ATAD2B: variants seen among roughly 807,000 people sequenced by gnomAD.
ATAD2B encodes the protein ATPase family AAA domain-containing protein 2B.
Under a neutral mutation model 167.6 loss-of-function variants are expected in ATAD2B, and 40 were observed. That is an observed-to-expected ratio of 0.24 (90% CI 0.19 to 0.31). The LOEUF is 0.31. ATAD2B is among the 10% of genes least tolerant of loss of function. The pLI, the probability that ATAD2B is intolerant of heterozygous loss-of-function variation, is 1.00. For missense variants in ATAD2B, 1,242 were observed against 1,757.2 expected, an observed-to-expected ratio of 0.71 and a Z score of 5.24; for synonymous variants, 579 against 596.5, an observed-to-expected ratio of 0.97 and a Z score of 0.43.
At chr2:23,691,603 T>C in the ATAD2B span, 2 of 1,333,102 alleles carry the variant, frequency 1.5e-6, no homozygotes, top group Non-Finnish European at 2.1e-6. Flanking sequence ...TGCAGGGAGA[T>C]CTAGCCCTGT....
chr2:23,750,409 T>G lies in ATAD2B; in HGVS notation c.*1637A>C, dbSNP rs1675225811. 6.6e-6 allele frequency: 1 copy of G among 152,124 alleles called. No individual in the cohort carries two copies. Among genetic ancestry groups the G allele is most frequent in the Non-Finnish European group, 1.5e-5 (1 of 68,000 alleles). 9.4% of individuals were successfully genotyped at this position (152,124 alleles called of 1,614,324 possible). A position where few individuals can be genotyped will look rare whatever the true frequency, so the allele number is the denominator to read the frequency against. Reference sequence around the variant, plus strand: ...TTACTGCAGTAGGCTATGGCCAAAGTATGCTTTCTGCACACTACAAAGAGC... The same window carrying G: ...TTACTGCAGTAGGCTATGGCCAAAGGATGCTTTCTGCACACTACAAAGAGC... On this transcript the variant is annotated 3_prime_UTR_variant, in exon 28 of 28. Coordinates refer to ENST00000238789, the MANE Select transcript of ATAD2B (RefSeq NM_017552.4).
At chr2:23,691,739 C>G in the ATAD2B span, 29 of 1,551,806 alleles carry the variant, frequency 1.9e-5, no homozygotes, top group Non-Finnish European at 2.5e-5. Flanking sequence ...AACCTGCAGG[C>G]AGACGTCCTG....
chr2:23,908,044 A>C (rs1357524282), intron 1 of ATAD2B, among the ~76,000 whole-genome samples: 2 of 152,136 alleles, frequency 1.3e-5, no homozygotes, highest in African/African-American at 4.8e-5. Context: ...CCCTAGAAGA[A>C]AGCCTAGGCA....
chr2:23,684,198 A>T, the ATAD2B span, among the ~76,000 whole-genome samples: 1 of 152,084 alleles, frequency 6.6e-6, no homozygotes, highest in Admixed American at 6.5e-5. This position sits in a 1 kb window ranked among gnomAD's most constrained non-coding sequence, Gnocchi z 4.4. Flanking sequence ...TTTGGTTATT[A>T]GCCCCTCCCA....
intron 20 of ATAD2B, among the ~76,000 whole-genome samples, chr2:23,787,243 CT>C (rs1269334754): frequency 6.6e-6 from 1 of 152,030 alleles, no homozygotes; most frequent in East Asian, 1.9e-4. Flanking sequence ...TGATATCACA[CT>C]ACAGCTCAGA....
At chr2:23,813,322 A>C (rs1572870719) in intron 17 of ATAD2B, among the ~76,000 whole-genome samples, 1 of 148,084 alleles carries the variant, frequency 6.8e-6, no homozygotes, top group African/African-American at 2.5e-5. Context: ...TTGTTATTTT[A>C]TAATATATTA....
At chr2:23,897,790 C>T (rs1255274305) in intron 1 of ATAD2B, among the ~76,000 whole-genome samples, 1 of 152,116 alleles carries the variant, frequency 6.6e-6, no homozygotes, top group Admixed American at 6.5e-5. Flanking sequence ...CTCTCTGGCC[C>T]TAGATTAGCA....
the ATAD2B span, among the ~76,000 whole-genome samples, chr2:23,731,376 C>T: frequency 6.6e-6 from 1 of 152,158 alleles, no homozygotes; most frequent in Non-Finnish European, 1.5e-5. Flanking sequence ...CATTAGAACT[C>T]ACCATTCTGC....
intron 8 of ATAD2B, among the ~76,000 whole-genome samples, chr2:23,871,437 C>A (rs1304991433): frequency 6.6e-6 from 1 of 152,182 alleles, no homozygotes; most frequent in Admixed American, 6.5e-5. Flanking sequence ...CTACTATACC[C>A]GAGCACCCAC....
the ATAD2B span, among the ~76,000 whole-genome samples, chr2:23,717,133 T>C: frequency 6.6e-6 from 1 of 152,330 alleles, no homozygotes; most frequent in Middle Eastern, 3.4e-3. Context: ...AAAGACTCCC[T>C]GGAACTCCAA....
intron 12 of ATAD2B, among the ~76,000 whole-genome samples, chr2:23,859,051 C>A (rs1044043951): frequency 6.6e-6 from 1 of 152,114 alleles, no homozygotes; most frequent in Admixed American, 6.6e-5. Context: ...TTGCCATCCA[C>A]TGAAGTATCA....
intron 24 of ATAD2B, among the ~76,000 whole-genome samples, chr2:23,760,369 T>C (rs920044531): frequency 6.6e-6 from 1 of 152,098 alleles, no homozygotes; most frequent in Non-Finnish European, 1.5e-5. Flanking sequence ...ATGCTTAATA[T>C]ACCATTTCCA....
chr2:23,888,175 A>G (rs952058264), intron 3 of ATAD2B, among the ~76,000 whole-genome samples, 175 bp downstream of exon 3: 3 of 152,222 alleles, frequency 2.0e-5, no homozygotes, highest in Non-Finnish European at 4.4e-5. Flanking sequence ...AATTTCAGGT[A>G]TGCTGATTTC....
chr2:23,829,077 T>C, intron 14 of ATAD2B, 138 bp from the exon 15 acceptor site: 1 of 603,564 alleles, frequency 1.7e-6, no homozygotes. Context: ...TAAAAAAAAT[T>C]TAAACACCTT....
intron 22 of ATAD2B, among the ~76,000 whole-genome samples, chr2:23,772,032 C>G (rs1436258878): frequency 2.6e-5 from 4 of 152,230 alleles, no homozygotes; most frequent in African/African-American, 9.7e-5. Context: ...GGCAACCACA[C>G]TACTCCTCTT....
At chr2:23,880,239 T>C (rs1290138585) in intron 7 of ATAD2B, among the ~76,000 whole-genome samples, 1 of 152,230 alleles carries the variant, frequency 6.6e-6, no homozygotes, top group East Asian at 1.9e-4. Flanking sequence ...GTACTTTGAC[T>C]TTCTTTCAGT....
intron 18 of ATAD2B, among the ~76,000 whole-genome samples, chr2:23,805,575 T>C (rs150625804): frequency 6.6e-6 from 1 of 152,348 alleles, no homozygotes. Context: ...TAGCAATGAA[T>C]ACTTGTAGCT....
chr2:23,845,667 C>T (rs955734271), intron 13 of ATAD2B, among the ~76,000 whole-genome samples: 1 of 147,704 alleles, frequency 6.8e-6, no homozygotes, highest in Non-Finnish European at 1.5e-5. Flanking sequence ...GCAGCCTCGA[C>T]CTCCTGGGCT....
At chr2:23,760,769 C>CACACA (rs1553373415) in intron 24 of ATAD2B, among the ~76,000 whole-genome samples, 1 of 54,376 alleles carries the variant, frequency 1.8e-5, no homozygotes, top group Non-Finnish European at 4.4e-5. Flanking sequence ...CACACACACA[C>CACACA]ACCACTTCCT....
Sources: gnomAD v4.1 joint callset for allele counts (sites outside exome capture counted in the v4.1 genomes callset) on GRCh38, gnomAD v4.1.1 for gene constraint, Gnocchi (gnomAD v3.1) non-coding constraint, MANE v1.5 for transcripts, NCBI Gene and HGNC (gene_info 2026-07-23, HGNC 2026-07-21) for gene names.